The following XRCC2 variants were observed in gnomAD, a reference collection of about 807,000 sequenced individuals.
XRCC2 encodes the protein X-ray repair cross complementing 2.
Under a neutral mutation model 27.3 loss-of-function variants are expected in XRCC2, and 24 were observed. The ratio of observed to expected loss-of-function variants is 0.88; its 90% confidence interval spans 0.64 to 1.24. The LOEUF is 1.24. XRCC2 is among the 50% of genes most tolerant of loss of function. The pLI is 0.00. For missense variants in XRCC2, 321 were observed against 325.8 expected (o/e 0.99, Z 0.11); for synonymous variants, 106 against 115.4 (o/e 0.92, Z 0.52).
intron 1 of XRCC2, among the ~76,000 whole-genome samples, chr7:152,665,787 C>T (rs975764362): frequency 1.6e-5 from 2 of 125,290 alleles, no homozygotes; most frequent in African/African-American, 5.0e-5. Context: ...TGGCCAAGGT[C>T]TTAAGATTTT....
At chr7:152,658,903 G>C (rs562814526) in intron 2 of XRCC2, among the ~76,000 whole-genome samples, 1 of 152,290 alleles carries the variant, frequency 6.6e-6, no homozygotes, top group South Asian at 2.1e-4. Context: ...TTACCTCTTA[G>C]CTATTGTGAA....
At chr7:152,655,875 G>A (rs1185775943) in intron 2 of XRCC2, among the ~76,000 whole-genome samples, 4 of 152,072 alleles carry the variant, frequency 2.6e-5, no homozygotes, top group Admixed American at 1.3e-4. Context: ...TGCTGGGCAT[G>A]GTAGCATCTG....
At chr7:152,650,936 T>A (rs987110368) in intron 2 of XRCC2, among the ~76,000 whole-genome samples, 1 of 152,116 alleles carries the variant, frequency 6.6e-6, no homozygotes, top group African/African-American at 2.4e-5. Context: ...TATTTCTTAT[T>A]ATTTAATTTT....
chr7:152,675,931 G>A, intron 1 of XRCC2, 110 bp downstream of exon 1: 2 of 1,470,002 alleles, frequency 1.4e-6, no homozygotes, highest in Non-Finnish European at 1.9e-6. Flanking sequence ...GTCCCAGCCC[G>A]GCCAGGCCGC....
At chr7:152,667,936 G>C (rs2098036660) in intron 1 of XRCC2, among the ~76,000 whole-genome samples, 1 of 151,076 alleles carries the variant, frequency 6.6e-6, no homozygotes. Context: ...GCTGAGGCAG[G>C]AGAATCACTT....
chr7:152,662,586 TTTTTG>T (rs2117001370), intron 1 of XRCC2, among the ~76,000 whole-genome samples: 1 of 138,952 alleles, frequency 7.2e-6, no homozygotes, highest in South Asian at 2.4e-4. Context: ...TTTTTTTTTT[TTTTTG>T]AGACGGAGTC....
chr7:152,646,252 A>G lies in XRCC2; in HGVS notation c.*2390T>C, dbSNP rs1187974499. The G allele has an allele frequency of 2.7e-5, 4 of 149,982 alleles. No individual in the cohort carries two copies. The highest frequency in any genetic ancestry group is 4.2e-4 in the South Asian group (2 of 4,762). 9.3% of individuals were successfully genotyped at this position (149,982 alleles called of 1,614,324 possible). ...TTAGCACACTAATTCTTCTGCTCCT[A>G]ATGTCAAATTATATGCTTTTCTTGC... On this transcript the variant is annotated 3_prime_UTR_variant, in exon 3 of 3. Transcript: ENST00000359321.
At chr7:152,658,651 C>T (rs2098031766) in intron 2 of XRCC2, among the ~76,000 whole-genome samples, 1 of 152,198 alleles carries the variant, frequency 6.6e-6, no homozygotes. Flanking sequence ...ATTTAACTAC[C>T]TTAGAAACTG....
In XRCC2 at chr7:152,644,908, C is replaced by T. The variant is rs886302712; in HGVS notation, c.*3734G>A. ...GTTAACATCGTTCTCAACAGTTAGC[C>T]GAAGATTCATTCGATGAGTCCGATT... On this transcript the variant is annotated 3_prime_UTR_variant, in exon 3 of 3. Transcript: ENST00000359321. The T allele has an allele frequency of 5.9e-5, 9 of 152,190 alleles. No homozygotes were observed. In the South Asian group the frequency reaches 1.7e-3, roughly 28 times the overall value. 9.4% of individuals were successfully genotyped at this position (152,190 alleles called of 1,614,324 possible).
chr7:152,665,506 T>TTTTC (rs2098035226), intron 1 of XRCC2, among the ~76,000 whole-genome samples: 1 of 141,182 alleles, frequency 7.1e-6, no homozygotes, highest in Non-Finnish European at 1.5e-5. Context: ...TTTTTTTTTT[T>TTTTC]TTTTAGACAG....
At chr7:152,665,487 C>CTTTT (rs66692067) in intron 1 of XRCC2, among the ~76,000 whole-genome samples, 34,525 of 83,512 alleles carry the variant, frequency 0.41, 9,714 homozygotes, top group Non-Finnish European at 0.53. Flanking sequence ...TAAGACAAAC[C>CTTTT]TTTTTTTTTT....
intron 1 of XRCC2, among the ~76,000 whole-genome samples, chr7:152,672,629 T>C (rs2098038628): frequency 6.6e-6 from 1 of 152,186 alleles, no homozygotes; most frequent in South Asian, 2.1e-4. Flanking sequence ...GATCTCAGCC[T>C]CCAAAATACG....
rs1201040998 is a variant in XRCC2, at chr7:152,646,318, GTGTGTGTGT to G, written c.*2315_*2323del. 6.6e-6 allele frequency: 1 copy of G among 151,910 alleles called. No homozygotes were observed. Among genetic ancestry groups the G allele is most frequent in the Non-Finnish European group, 1.5e-5 (1 of 67,968 alleles). 9.4% of individuals were successfully genotyped at this position (151,910 alleles called of 1,614,324 possible). On this transcript the variant is annotated 3_prime_UTR_variant, in exon 3 of 3. Coordinates refer to ENST00000359321, the MANE Select transcript of XRCC2 (RefSeq NM_005431.2). ...TGTGAGAGGGTGTGTGTGTGTGTGT[GTGTGTGTGT>G]TGTTCCCTTCTTTGTATCCAGGAGT...
At chr7:152,661,364 TCA>T (rs1563030440) in intron 1 of XRCC2, among the ~76,000 whole-genome samples, 1 of 152,230 alleles carries the variant, frequency 6.6e-6, no homozygotes, top group African/African-American at 2.4e-5. Context: ...TAATTAACTT[TCA>T]CACAGTTAAT....
At chr7:152,673,918 G>A (rs191776661) in intron 1 of XRCC2, among the ~76,000 whole-genome samples, 1 of 152,170 alleles carries the variant, frequency 6.6e-6, no homozygotes, top group East Asian at 1.9e-4. Context: ...TCAGTTTCTT[G>A]GGTTAGCTTA....
intron 2 of XRCC2, among the ~76,000 whole-genome samples, chr7:152,652,820 T>A (rs2098029105): frequency 6.6e-6 from 1 of 152,182 alleles, no homozygotes; most frequent in Non-Finnish European, 1.5e-5. Flanking sequence ...GAAACTGGCA[T>A]TTTAAATGGA....
At chr7:152,673,577 T>C (rs1375694137) in intron 1 of XRCC2, among the ~76,000 whole-genome samples, 1 of 152,148 alleles carries the variant, frequency 6.6e-6, no homozygotes, top group Non-Finnish European at 1.5e-5. Context: ...TCTAGTGAAT[T>C]TTAAAGCAGG....
At chr7:152,668,630 T>C (rs1302767798) in intron 1 of XRCC2, among the ~76,000 whole-genome samples, 5 of 152,270 alleles carry the variant, frequency 3.3e-5, no homozygotes, top group African/African-American at 1.2e-4. Flanking sequence ...TTGGTGATGA[T>C]AGCCATTATG....
intron 1 of XRCC2, among the ~76,000 whole-genome samples, chr7:152,668,330 G>A (rs542273102): frequency 2.2e-4 from 33 of 152,184 alleles, no homozygotes; most frequent in African/African-American, 7.9e-4. Context: ...TGTATATAGG[G>A]TTCACTACTA....
Sources: allele counts gnomAD v4.1 joint callset (sites outside exome capture counted in the v4.1 genomes callset), GRCh38; gene constraint gnomAD v4.1.1; transcripts MANE v1.5; gene names NCBI Gene and HGNC (gene_info 2026-07-23, HGNC 2026-07-21).